STAT6: variants seen among roughly 807,000 people sequenced by gnomAD.
STAT6 encodes STAT, interleukin4-induced.
Under a neutral mutation model 106.3 loss-of-function variants are expected in STAT6, and 45 were observed. The ratio of observed to expected loss-of-function variants is 0.42; its 90% CI spans 0.33 to 0.54. STAT6 has a LOEUF of 0.54. STAT6 is among the 20% of genes least tolerant of loss of function. STAT6 has a pLI of 0.06. For missense variants in STAT6, 797 were observed against 1,062.2 expected (o/e 0.75, Z 3.47); for synonymous variants, 413 against 413.6 (o/e 1.00, Z 0.02).
rs763200057 is a variant in STAT6 at position 57,098,758 on chromosome 12, G to T, written c.2066+34C>A. On this transcript the variant is annotated intron_variant, in intron 18 of 21. Transcript: ENST00000300134. Reference sequence around the variant, plus strand: ...ATGCTAAGATTAGCCCATCTGCACAGACCACTCCCATTCCTGTCTTTCCAG... The same window carrying T: ...ATGCTAAGATTAGCCCATCTGCACATACCACTCCCATTCCTGTCTTTCCAG... The T allele has an allele frequency of 3.1e-6, 5 of 1,603,034 alleles. No individual in the cohort carries two copies. In the African/African-American group the frequency reaches 6.7e-5, roughly 21 times the overall value.
In STAT6 at chr12:57,107,593, C is replaced by T; in HGVS notation, c.255+12G>A. The T allele has an allele frequency of 6.2e-7, 1 of 1,613,474 alleles. No homozygotes were observed. Among genetic ancestry groups the T allele is most frequent in the South Asian group, 1.1e-5 (1 of 91,024 alleles). ...GCCCCACCCAGCCTTGTCCCCTCCC[C>T]TCCTGCCCCACCTCAAGGGTGCTGA... On this transcript the variant is annotated intron_variant, in intron 3 of 21. Transcript: ENST00000300134.
intron 13 of STAT6, chr12:57,100,700 G>GAGAAAGAAAA (rs2033836319): frequency 1.6e-5 from 1 of 62,936 alleles, no homozygotes; most frequent in Non-Finnish European, 3.1e-5. Flanking sequence ...AAGAAAGAAA[G>GAGAAAGAAAA]AGAAAGAAAG....
At chr12:57,098,740 G>T in intron 18 of STAT6, 52 bp downstream of exon 18, 1 of 1,584,164 alleles carries the variant, frequency 6.3e-7, no homozygotes, top group South Asian at 1.1e-5. Flanking sequence ...CCCATGCTAA[G>T]ATTAGCCCAT....
At chr12:57,102,636 G>A in intron 12 of STAT6, 140 bp from the exon 13 acceptor site, 1 of 1,042,492 alleles carries the variant, frequency 9.6e-7, no homozygotes, top group Middle Eastern at 2.7e-4. Flanking sequence ...TTTTTTCTAG[G>A]TTACAGTGCT....
chr12:57,099,559 G>T lies in STAT6; in HGVS notation c.1745-119C>A. ...CAAGGGAGAGAGGACCTAGGGTGGG[G>T]CTCCTGAGGGAGAGAGACCCACTAG... On this transcript the variant is annotated intron_variant, in intron 15 of 21. Transcript: ENST00000300134. This position sits in a 1 kb window ranked among gnomAD's most constrained non-coding sequence, Gnocchi z 4.7. The T allele has an allele frequency of 1.4e-6, 2 of 1,442,014 alleles. No homozygotes were observed. The highest frequency in any genetic ancestry group is 1.9e-6 in the Non-Finnish European group (2 of 1,053,576). 89.3% of individuals were successfully genotyped at this position (1,442,014 alleles called of 1,614,324 possible).
Position 57,107,332 on chromosome 12 carries a change from GT to G in STAT6, c.256-19del. The G allele has an allele frequency of 6.2e-7, 1 of 1,609,514 alleles. No homozygotes were observed. Among genetic ancestry groups the G allele is most frequent in the Non-Finnish European group, 8.5e-7 (1 of 1,175,792 alleles). The stretch of plus-strand genomic sequence containing the variant: ...TATATGCTCTACAGAAATGAGGGTG[GT>G]AAACAGTGAGCTTTGCTCTTACCCA... On this transcript the variant is annotated intron_variant, in intron 3 of 21. Transcript: ENST00000300134.
At chr12:57,105,411 C>G in intron 8 of STAT6, 57 bp downstream of exon 8, 2 of 1,609,228 alleles carry the variant, frequency 1.2e-6, no homozygotes, top group Non-Finnish European at 1.7e-6. Flanking sequence ...AGCTCTAGCC[C>G]CCTTCTTTTC....
intron 13 of STAT6, 62 bp from the exon 14 acceptor site, chr12:57,100,152 C>G: frequency 6.9e-7 from 1 of 1,446,622 alleles, no homozygotes. Context: ...CTGTTTAGGG[C>G]AGGCAGTGAG....
chr12:57,107,880 A>G, intron 2 of STAT6, 137 bp from the exon 3 acceptor site: 2 of 1,261,008 alleles, frequency 1.6e-6, no homozygotes, highest in Non-Finnish European at 1.1e-6. Flanking sequence ...GCTTTCACCC[A>G]TGCGCCTTGT....
rs774413695 is a variant in STAT6 at position 57,097,112 on chromosome 12, G to C, written c.2181C>G (p.Pro727=). The change falls in exon 20 of 22, where the codon CCC becomes CCG. Residue 727 remains proline (P), a synonymous_variant. Transcript: ENST00000300134. ...AGGGCAGGCTCATCTGGCCCAGGCT[G>C]GGGGGCATCTGCAGGTGAGGCCTGG... ...AFQEPHLQMP[P]SLGQMSLPFD... 2 of 1,517,578 alleles carry C rather than the reference G, an allele frequency of 1.3e-6. No individual in the cohort carries two copies. Among genetic ancestry groups the C allele is most frequent in the East Asian group, 2.3e-5 (1 of 43,790 alleles). 94.0% of individuals were successfully genotyped at this position (1,517,578 alleles called of 1,614,324 possible).
In STAT6 at chr12:57,098,870, A is replaced by G; in HGVS notation, c.1988T>C (p.Met663Thr). 6.2e-7 allele frequency: 1 copy of G among 1,613,648 alleles called. No homozygotes were observed. Among genetic ancestry groups the G allele is most frequent in the Non-Finnish European group, 8.5e-7 (1 of 1,179,828 alleles). The change falls in exon 18 of 22, where the codon ATG (methionine) becomes ACG (threonine). Residue 663 changes from methionine to threonine, a missense_variant. By Grantham distance (81) the Met-to-Thr change is moderately conservative. Coordinates refer to ENST00000300134, the MANE Select transcript of STAT6 (RefSeq NM_003153.5). ...GTCATAAGAAGGCACCATGGTAGGCATCTGGAGCTCTGGGGTAGGAAGTGG... is the reference window on the plus strand; with the variant it reads ...GTCATAAGAAGGCACCATGGTAGGCGTCTGGAGCTCTGGGGTAGGAAGTGG... ...DQPLPTPELQ[M>T]PTMVPSYDLG...
intron 13 of STAT6, among the ~76,000 whole-genome samples, chr12:57,100,638 GAGAAAGAAAGAAAGA>G (rs1459278757): frequency 1.0e-5 from 1 of 100,062 alleles, no homozygotes; most frequent in African/African-American, 4.0e-5. Context: ...GAAAGAGAAA[GAGAAAGAAAGAAAGA>G]AAGAAAGAAA....
At position 57,105,154 on chromosome 12, in the gene STAT6, C is replaced by A; in HGVS notation, c.998G>T (p.Gly333Val). The A allele has an allele frequency of 6.2e-7, 1 of 1,610,104 alleles. No individual in the cohort carries two copies. The highest frequency in any genetic ancestry group is 2.2e-5 in the East Asian group (1 of 44,818). The change falls in exon 9 of 22, where the codon GGA (glycine) becomes GTA (valine). Residue 333 changes from glycine (G) to valine (V), a missense_variant. By Grantham distance (109) the Gly-to-Val change is moderately radical (BLOSUM62 -3). This residue lies in a region of STAT6 where 336 missense variants were observed against 429.8 expected (regional missense o/e 0.78). Transcript: ENST00000300134. ...CCCAGGTCCAATCCCAGCTTACGCT[C>A]CAGCCCCAGGACCCTGAGGCACACT... ...ELSVPQGPGA[G>V]AESTGEIINN...
At chr12:57,100,730 GAAAGAA>G (rs2033863624) in intron 13 of STAT6, 1 of 140,914 alleles carries the variant, frequency 7.1e-6, no homozygotes, top group East Asian at 2.5e-4. Flanking sequence ...AAGAAAGAAA[GAAAGAA>G]AGAAAGAAAG....
chr12:57,096,843 C>T lies in STAT6; in HGVS notation c.2354+7G>A. 6.2e-7 allele frequency: 1 copy of T among 1,614,104 alleles called. No individual in the cohort carries two copies. Among genetic ancestry groups the T allele is most frequent in the South Asian group, 1.1e-5 (1 of 91,088 alleles). On this transcript the variant is annotated splice_region_variant and intron_variant, in intron 21 of 21. Transcript: ENST00000300134. ...CACCCAGCCTCCACTCCCAAGCTGC[C>T]ACTCACCAAGTGCCCTGAGGAAACG...
Position 57,096,878 on chromosome 12 carries a change from G to A in STAT6, c.2326C>T (p.Pro776Ser), listed in dbSNP as rs753111770. The A allele has an allele frequency of 1.9e-6, 3 of 1,614,170 alleles. No homozygotes were observed. In the Admixed American group the frequency reaches 5.0e-5, roughly 27 times the overall value. Residue 776 changes from proline to serine, a missense_variant, in exon 21 of 22, where the codon CCA becomes TCA. This residue lies in a region of STAT6 where 226 missense variants were observed against 236.7 expected (regional missense o/e 0.95). Coordinates refer to ENST00000300134, the MANE Select transcript of STAT6 (RefSeq NM_003153.5). Reference protein sequence around the residue: ...TMVEDSCLSQPVTAFPQGTWI... With the variant: ...TMVEDSCLSQSVTAFPQGTWI... The stretch of plus-strand genomic sequence containing the variant: ...GTGCCCTGAGGAAACGCTGTCACTG[G>A]CTGGCTCAGGCAGCTGTCTTCCACC...
In STAT6 at chr12:57,100,092, T is replaced by C. The variant is rs1565683206; in HGVS notation, c.1513-2A>G. ...GAAGCCACGGCCCAGCAGGATCTCC[T>C]AGGGGGAGAGGGGGAAAGGTGTGAG... On this transcript the variant is annotated splice_acceptor_variant, in intron 13 of 21. Transcript: ENST00000300134. LOFTEE classifies it high-confidence loss of function. The C allele has an allele frequency of 1.3e-6, 2 of 1,585,284 alleles. No individual in the cohort carries two copies. Among genetic ancestry groups the C allele is most frequent in the South Asian group, 1.1e-5 (1 of 88,094 alleles).
In STAT6 at chr12:57,102,383, G is replaced by C; in HGVS notation, c.1419C>G (p.His473Gln). The C allele has an allele frequency of 6.2e-7, 1 of 1,614,198 alleles. No homozygotes were observed. Among genetic ancestry groups the C allele is most frequent in the Non-Finnish European group, 8.5e-7 (1 of 1,180,026 alleles). The change falls in exon 13 of 22, where the codon CAC (histidine) becomes CAG (glutamine). Residue 473 changes from histidine to glutamine, a missense_variant. His to Gln is a conservative substitution (Grantham distance 24, BLOSUM62 0). Transcript: ENST00000300134. ...VGTNRGLLPE[H>Q]FLFLAQKIFN... Reference sequence around the variant, plus strand: ...AGATCTTCTGGGCCAGGAAGAGGAAGTGCTCTGGGAGCAGCCCCCGGTTGG... The same window carrying C: ...AGATCTTCTGGGCCAGGAAGAGGAACTGCTCTGGGAGCAGCCCCCGGTTGG...
intron 6 of STAT6, 74 bp from the exon 7 acceptor site, chr12:57,106,413 TC>T: frequency 6.2e-7 from 1 of 1,608,466 alleles, no homozygotes; most frequent in South Asian, 1.1e-5. Context: ...CGGCTCTTTT[TC>T]TCACTCCTCT....
Sources: gnomAD v4.1 joint callset for allele counts (sites outside exome capture counted in the v4.1 genomes callset) on GRCh38, gnomAD v4.1.1 for gene constraint, gnomAD v4.1.1 regional missense constraint, Gnocchi (gnomAD v3.1) non-coding constraint, MANE v1.5 for transcripts, NCBI Gene and HGNC (gene_info 2026-07-23, HGNC 2026-07-21) for gene names.